SEMA3C: variants seen among roughly 807,000 people sequenced by gnomAD.
The protein encoded by SEMA3C is semaphorin-3C.
SEMA3C carries 47 observed loss-of-function variants against 89.4 expected under a neutral mutation model. The observed-to-expected ratio is 0.53, with a 90% CI of 0.42 to 0.67. SEMA3C has a LOEUF of 0.67. SEMA3C is among the 30% of genes least tolerant of loss of function. The probability of loss-of-function intolerance (pLI) is 0.00; values close to 1 mark genes in which losing one functional copy is unlikely to be tolerated. For synonymous variants in SEMA3C, 310 were observed against 320.2 expected, an observed-to-expected ratio of 0.97 and a Z score of 0.34; for missense variants, 839 against 929.1, an observed-to-expected ratio of 0.90 and a Z score of 1.26.
chr7:80,843,407 G>A (rs1322837739), intron 2 of SEMA3C, among the ~76,000 whole-genome samples: 1 of 151,974 alleles, frequency 6.6e-6, no homozygotes, highest in African/African-American at 2.4e-5. Flanking sequence ...GCATTTTCCT[G>A]GAACAAAGTC....
At chr7:80,914,473 C>T (rs372669340) in intron 2 of SEMA3C, among the ~76,000 whole-genome samples, 4 of 146,692 alleles carry the variant, frequency 2.7e-5, no homozygotes, top group Non-Finnish European at 6.2e-5. Context: ...CAACTGTTTT[C>T]GCCTGATACT....
At position 80,789,351 on chromosome 7, in the gene SEMA3C, C is replaced by G; in HGVS notation, c.1309G>C (p.Val437Leu). 1.2e-6 allele frequency: 2 copies of G among 1,614,036 alleles called. No homozygotes were observed. Among genetic ancestry groups the G allele is most frequent in the Non-Finnish European group, 1.7e-6 (2 of 1,179,970 alleles). Reference protein sequence around the residue: ...YKYTKIAVDRVNAADGRYHVL... With the variant: ...YKYTKIAVDRLNAADGRYHVL... ...TGGTATCTCCCATCAGCAGCGTTCA[C>G]TCGATCCACAGCTATCTTTGTATAC... Residue 437 changes from valine (V) to leucine (L), a missense_variant, in exon 12 of 18, where the codon GTG (valine) becomes CTG (leucine). Coordinates refer to ENST00000265361, the MANE Select transcript of SEMA3C (RefSeq NM_006379.5).
chr7:80,807,762 G>A (rs1358551862), intron 6 of SEMA3C, among the ~76,000 whole-genome samples: 1 of 152,086 alleles, frequency 6.6e-6, no homozygotes, highest in Admixed American at 6.5e-5. Flanking sequence ...CAGGTTTCTG[G>A]TCATTTAATA....
intron 15 of SEMA3C, among the ~76,000 whole-genome samples, chr7:80,751,548 A>G (rs1787936451): frequency 6.6e-6 from 1 of 152,086 alleles, no homozygotes; most frequent in Non-Finnish European, 1.5e-5. Context: ...TTTCAATCTG[A>G]GTAAGTTTTC....
At chr7:80,759,477 C>T (rs1788137124) in intron 14 of SEMA3C, among the ~76,000 whole-genome samples, 1 of 152,174 alleles carries the variant, frequency 6.6e-6, no homozygotes, top group African/African-American at 2.4e-5. Flanking sequence ...TGCTGTGTAA[C>T]TTTTCTGAAT....
At chr7:80,815,316 T>C (rs778369495) in intron 5 of SEMA3C, among the ~76,000 whole-genome samples, 7 of 151,948 alleles carry the variant, frequency 4.6e-5, no homozygotes, top group African/African-American at 2.4e-5. Flanking sequence ...AGGGAGTCAA[T>C]TTGGTCACTG....
chr7:80,750,769 G>A lies in SEMA3C; in HGVS notation c.1711+500C>T, dbSNP rs118180417. Among the ~76,000 whole-genome samples, 29 of 151,910 alleles carry A rather than the reference G, an allele frequency of 1.9e-4. No individual in the cohort carries two copies. The East Asian group carries it at 3.9e-3, about 20-fold the overall frequency. ...AGGTAATGGTTAGGTGGTATTTAAC[G>A]GGTCTAGTTTCAGTTGGGGAAGATG... is the stretch of plus-strand genomic sequence containing the variant. On this transcript the variant is annotated intron_variant, in intron 16 of 17. Coordinates refer to ENST00000265361, the MANE Select transcript of SEMA3C (RefSeq NM_006379.5).
chr7:80,872,751 A>T (rs1462730203), intron 2 of SEMA3C, among the ~76,000 whole-genome samples: 7 of 149,114 alleles, frequency 4.7e-5, no homozygotes, highest in African/African-American at 1.7e-4. Context: ...CAGTGAGCCA[A>T]GATCACACTA....
chr7:80,915,737 T>A (rs1792255835), intron 2 of SEMA3C: 1 of 119,594 alleles, frequency 8.4e-6, no homozygotes, highest in Non-Finnish European at 1.6e-5. Context: ...TGAGACACTG[T>A]CTCAAAAAAA....
intron 2 of SEMA3C, among the ~76,000 whole-genome samples, chr7:80,848,577 A>G (rs1790441863): frequency 6.6e-6 from 1 of 152,178 alleles, no homozygotes; most frequent in Non-Finnish European, 1.5e-5. Context: ...AAATAAAGTT[A>G]GCCTTCTTTA....
In SEMA3C at chr7:80,828,752, G is replaced by A. The variant is rs751142333; in HGVS notation, c.104-7C>T. The A allele has an allele frequency of 1.9e-6, 3 of 1,602,002 alleles. No homozygotes were observed. The highest frequency in any genetic ancestry group is 1.7e-6 in the Non-Finnish European group (2 of 1,172,236). Reference sequence around the variant, plus strand: ...GTCTTGGTTTCTCGAAGTTCTGAAAGAGTGAACAGCACAAGTGTAGATACA... The same window carrying A: ...GTCTTGGTTTCTCGAAGTTCTGAAAAAGTGAACAGCACAAGTGTAGATACA... On this transcript the variant is annotated splice_region_variant and splice_polypyrimidine_tract_variant and intron_variant, in intron 2 of 17. Coordinates refer to ENST00000265361, the MANE Select transcript of SEMA3C (RefSeq NM_006379.5).
In SEMA3C at chr7:80,754,957, G is replaced by GTTTTTTTTTTGTTTTTT. The variant is rs1449995090; in HGVS notation, c.1643+3373_1643+3374insAAAAAACAAAAAAAAAA. Among the ~76,000 whole-genome samples, 215 of 108,124 alleles carry GTTTTTTTTTTGTTTTTT rather than the reference G, an allele frequency of 2.0e-3. 1 individual carries two copies. Among genetic ancestry groups the GTTTTTTTTTTGTTTTTT allele is most frequent in the Non-Finnish European group, 2.3e-3 (126 of 53,792 alleles). The allele number at this position is 108,124 out of a possible 152,430, so 70.9% of individuals were successfully genotyped here. A position where few individuals can be genotyped will look rare whatever the true frequency, so the allele number is the denominator to read the frequency against. On this transcript the variant is annotated intron_variant, in intron 15 of 17. Transcript: ENST00000265361. ...CATGCCTGGCGAATTGTTTTTTTTT[G>GTTTTTTTTTTGTTTTTT]TTTTTTTTTTTTTTGTATTTTTAGT...
chr7:80,852,011 T>C (rs1790526196), intron 2 of SEMA3C, among the ~76,000 whole-genome samples: 1 of 152,224 alleles, frequency 6.6e-6, no homozygotes, highest in Non-Finnish European at 1.5e-5. Context: ...TCTGAAACCC[T>C]TGATCTTCTC....
chr7:80,917,492 T>C (rs187375822), intron 1 of SEMA3C, among the ~76,000 whole-genome samples: 1 of 152,338 alleles, frequency 6.6e-6, no homozygotes, highest in African/African-American at 2.4e-5. Context: ...CAGTGAGCCA[T>C]GTATCCACCA....
chr7:80,814,472 C>T (rs1789552279), intron 5 of SEMA3C, among the ~76,000 whole-genome samples: 2 of 152,082 alleles, frequency 1.3e-5, no homozygotes, highest in Non-Finnish European at 2.9e-5. Context: ...TCTCAACCAC[C>T]GTCATTCTTT....
At chr7:80,902,246 C>T (rs1583994454) in intron 2 of SEMA3C, among the ~76,000 whole-genome samples, 1 of 152,184 alleles carries the variant, frequency 6.6e-6, no homozygotes, top group African/African-American at 2.4e-5. Context: ...AGTCACTGCA[C>T]CTGGGCTTCA....
At chr7:80,868,621 T>C (rs1790985237) in intron 2 of SEMA3C, among the ~76,000 whole-genome samples, 1 of 152,152 alleles carries the variant, frequency 6.6e-6, no homozygotes, top group African/African-American at 2.4e-5. Flanking sequence ...TATTTAATCA[T>C]GTTTGTAACC....
At chr7:80,895,306 GA>G (rs1185112334) in intron 2 of SEMA3C, among the ~76,000 whole-genome samples, 6 of 152,230 alleles carry the variant, frequency 3.9e-5, no homozygotes, top group Non-Finnish European at 8.8e-5. Context: ...GAAAGCAATG[GA>G]AAATGGAAGC....
chr7:80,876,082 T>G (rs567677267), intron 2 of SEMA3C, among the ~76,000 whole-genome samples: 1 of 152,268 alleles, frequency 6.6e-6, no homozygotes, highest in East Asian at 1.9e-4. Context: ...TTCCTACTGA[T>G]GGAAATCGAG....
Sources: gnomAD v4.1 joint callset for allele counts (sites outside exome capture counted in the v4.1 genomes callset) on GRCh38, gnomAD v4.1.1 for gene constraint, MANE v1.5 for transcripts, NCBI Gene and HGNC (gene_info 2026-07-23, HGNC 2026-07-21) for gene names.